The following RASGRF1 variants were observed in gnomAD, a reference collection of about 807,000 sequenced individuals.
RASGRF1 encodes the protein Ras protein specific guanine nucleotide releasing factor 1.
Under a neutral mutation model 138.7 loss-of-function variants are expected in RASGRF1, and 40 were observed. The ratio of observed to expected loss-of-function variants is 0.29; its 90% CI spans 0.22 to 0.38. The LOEUF is 0.38. Ranked by LOEUF, RASGRF1 falls within the 10% of genes least tolerant of loss-of-function variation. RASGRF1 has a pLI of 1.00. For missense variants in RASGRF1, 1,108 were observed against 1,650.4 expected, an observed-to-expected ratio of 0.67 and a Z score of 5.69; for synonymous variants, 614 against 663.2, an observed-to-expected ratio of 0.93 and a Z score of 1.14.
chr15:78,978,290 T>A (rs1488338221), intron 24 of RASGRF1: 1 of 149,868 alleles, frequency 6.7e-6, no homozygotes, highest in Non-Finnish European at 1.4e-5. Flanking sequence ...AGTGGCACGA[T>A]CTCAGCTCGC....
At chr15:79,010,582 ATTTTCTCAGTGGAAATTCAGAT>A (rs1349339000) in intron 13 of RASGRF1, among the ~76,000 whole-genome samples, 1 of 152,054 alleles carries the variant, frequency 6.6e-6, no homozygotes, top group Admixed American at 6.5e-5. Context: ...CAATGTGAAC[ATTTTCTCAGTGGAAATTCAGAT>A]TTGCTTCTCT....
At chr15:79,022,950 G>A (rs774058863) in intron 10 of RASGRF1, among the ~76,000 whole-genome samples, 13 of 152,156 alleles carry the variant, frequency 8.5e-5, no homozygotes, top group South Asian at 2.1e-4. Flanking sequence ...CGAGGCAGGC[G>A]GATCACAAGG....
At chr15:79,020,165 C>T in intron 10 of RASGRF1, 61 bp from the exon 11 acceptor site, 1 of 1,520,990 alleles carries the variant, frequency 6.6e-7, no homozygotes, top group Non-Finnish European at 9.1e-7. Flanking sequence ...TTTAGGAGTC[C>T]CTGGATGATA....
At chr15:78,986,488 A>G (rs953577526) in intron 22 of RASGRF1, among the ~76,000 whole-genome samples, 2 of 151,894 alleles carry the variant, frequency 1.3e-5, no homozygotes, top group Admixed American at 6.6e-5. Context: ...CTGGGATTAC[A>G]GGCACACACC....
chr15:79,005,408 AGAGCCTCT>A (rs1289282375), intron 14 of RASGRF1: 24 of 985,320 alleles, frequency 2.4e-5, no homozygotes, highest in South Asian at 9.4e-5. Flanking sequence ...GGGCACTCAG[AGAGCCTCT>A]GAGCCTCTGA....
chr15:79,075,233 AC>A (rs1405156311), intron 1 of RASGRF1, among the ~76,000 whole-genome samples: 1 of 152,188 alleles, frequency 6.6e-6, no homozygotes, highest in East Asian at 1.9e-4. Context: ...CCTGCGACCT[AC>A]CAGGCTCACA....
intron 1 of RASGRF1, 145 bp from the exon 2 acceptor site, chr15:79,064,671 T>A (rs1199994161): frequency 1.3e-6 from 1 of 759,094 alleles, no homozygotes. Flanking sequence ...CAGAATGCCA[T>A]TCTATTTAGC....
intron 2 of RASGRF1, 29 bp downstream of exon 2, chr15:79,064,391 G>A (rs775687976): frequency 1.9e-6 from 3 of 1,599,796 alleles, no homozygotes; most frequent in South Asian, 2.2e-5. Flanking sequence ...GTGGAGTAGG[G>A]GCTTCCTGCC....
Position 79,046,013 on chromosome 15 carries a change from C to T in RASGRF1, c.878+733G>A, listed in dbSNP as rs1198773009. Among the ~76,000 whole-genome samples, 1 of 152,180 alleles carries T rather than the reference C, an allele frequency of 6.6e-6. No homozygotes were observed. Among genetic ancestry groups the T allele is most frequent in the African/African-American group, 2.4e-5 (1 of 41,438 alleles). On this transcript the variant is annotated intron_variant, in intron 5 of 26. Transcript: ENST00000558480. This position sits in a 1 kb window ranked among gnomAD's most constrained non-coding sequence, Gnocchi z 5.3. ...CTAGTTTATACAATTTTATCACCAA[C>T]CAGAAAGCTCATTTAAACCATTTCC...
chr15:79,002,430 G>A (rs367978442), intron 15 of RASGRF1, among the ~76,000 whole-genome samples: 8 of 152,272 alleles, frequency 5.3e-5, no homozygotes, highest in East Asian at 3.9e-4. Context: ...GTTTACCCAC[G>A]TAGAAAGTGG....
rs1198057776 is a variant in RASGRF1, at chr15:79,058,420, T to C, written c.445A>G (p.Ile149Val). 6.2e-7 allele frequency: 1 copy of C among 1,614,206 alleles called. No individual in the cohort carries two copies. ...GCCACGGTCTTCTCTGTCTCCACGA[T>C]CTGCAGCAGGTGCAGGTATTTCTGC... ...LMQKYLHLLQ[I>V]VETEKTVAKQ... Residue 149 changes from isoleucine (I) to valine (V), a missense_variant, in exon 3 of 27, where the codon ATC becomes GTC. Ile to Val is a conservative substitution (Grantham distance 29). Around this residue, in one of 3 missense-constraint regions of RASGRF1, gnomAD observed 253 missense variants for 329.5 expected, o/e 0.77. Coordinates refer to ENST00000558480, the MANE Select transcript of RASGRF1 (RefSeq NM_001145648.3).
chr15:78,999,524 A>G (rs2141689755), intron 17 of RASGRF1, among the ~76,000 whole-genome samples: 1 of 152,272 alleles, frequency 6.6e-6, no homozygotes, highest in Non-Finnish European at 1.5e-5. Context: ...TGCCCAAGCC[A>G]AAATAATGAT....
chr15:78,962,268 G>T, intron 26 of RASGRF1, 32 bp from the exon 27 acceptor site: 2 of 1,409,200 alleles, frequency 1.4e-6, no homozygotes, highest in South Asian at 1.2e-5. Context: ...GGGAATGGGA[G>T]GGTTGTGGGA....
chr15:79,028,215 C>T (rs1029165463), intron 8 of RASGRF1, among the ~76,000 whole-genome samples: 2 of 152,176 alleles, frequency 1.3e-5, no homozygotes, highest in Non-Finnish European at 1.5e-5. Flanking sequence ...GATATGGGAG[C>T]ACAGGAGACA....
At chr15:79,047,200 G>A (rs887082404) in intron 4 of RASGRF1, among the ~76,000 whole-genome samples, 1 of 152,236 alleles carries the variant, frequency 6.6e-6, no homozygotes, top group African/African-American at 2.4e-5. Context: ...GTTGCCCTGA[G>A]TCAGTTTTCC....
chr15:79,037,355 T>C (rs925822306), intron 5 of RASGRF1, among the ~76,000 whole-genome samples: 1 of 151,946 alleles, frequency 6.6e-6, no homozygotes, highest in South Asian at 2.1e-4. Context: ...AAGACAATCT[T>C]CTCACAGACG....
chr15:79,010,194 G>T (rs961396175), intron 13 of RASGRF1, among the ~76,000 whole-genome samples: 2 of 151,570 alleles, frequency 1.3e-5, no homozygotes, highest in Non-Finnish European at 2.9e-5. Context: ...GCACCACAAT[G>T]ACCAGCTAAT....
At chr15:79,059,372 TCCTTCCCTTCCCTTC>T (rs370008646) in intron 2 of RASGRF1, among the ~76,000 whole-genome samples, 3,980 of 38,410 alleles carry the variant, frequency 0.1, 255 homozygotes, top group South Asian at 0.25. Context: ...CCCTTCCCAA[TCCTTCCCTTCCCTTC>T]CCTTCCCTTC....
intron 19 of RASGRF1, among the ~76,000 whole-genome samples, chr15:78,996,733 T>TGC (rs1390043425): frequency 8.6e-6 from 1 of 116,586 alleles, no homozygotes; most frequent in Admixed American, 9.2e-5. Flanking sequence ...TGTGTGTGTG[T>TGC]GTGCGTGTGT....
Sources: gnomAD v4.1 joint callset for allele counts (sites outside exome capture counted in the v4.1 genomes callset) on GRCh38, gnomAD v4.1.1 for gene constraint, gnomAD v4.1.1 regional missense constraint, Gnocchi (gnomAD v3.1) non-coding constraint, MANE v1.5 for transcripts, NCBI Gene and HGNC (gene_info 2026-07-23, HGNC 2026-07-21) for gene names.